The following NRXN1 variants were observed in gnomAD, a reference collection of about 807,000 sequenced individuals.
NRXN1 encodes neurexin-1.
Under a neutral mutation model 150.9 loss-of-function variants are expected in NRXN1, and 39 were observed. The observed-to-expected ratio is 0.26, with a 90% CI of 0.20 to 0.34. NRXN1 has a LOEUF of 0.34. Among genes scored for constraint, NRXN1 ranks in the 10% least tolerant of loss-of-function variants. The pLI, the probability that NRXN1 is intolerant of heterozygous loss-of-function variation, is 1.00. For synonymous variants in NRXN1, 924 were observed against 757.0 expected, an observed-to-expected ratio of 1.22 and a Z score of -3.62; for missense variants, 1,815 against 1,949.9, an observed-to-expected ratio of 0.93 and a Z score of 1.30.
At chr2:50,926,061 C>T (rs1686827283) in intron 2 of NRXN1, 106 bp from the exon 3 acceptor site, 1 of 844,374 alleles carries the variant, frequency 1.2e-6, no homozygotes, top group Non-Finnish European at 2.0e-6. Context: ...GCACCAAACA[C>T]ATCATGCAAG....
intron 18 of NRXN1, among the ~76,000 whole-genome samples, chr2:50,217,392 G>A (rs1180379093): frequency 6.6e-6 from 1 of 151,876 alleles, no homozygotes; most frequent in Non-Finnish European, 1.5e-5. Flanking sequence ...TGTTATTGCT[G>A]TATCTGTGCC....
chr2:50,075,072 T>A (rs1025165009), intron 19 of NRXN1, among the ~76,000 whole-genome samples: 18 of 152,168 alleles, frequency 1.2e-4, no homozygotes, highest in African/African-American at 4.3e-4. Context: ...GTCAGGAAAA[T>A]GTATATCAGG....
At chr2:50,549,887 T>C (rs932278058) in intron 9 of NRXN1, among the ~76,000 whole-genome samples, 3 of 152,160 alleles carry the variant, frequency 2.0e-5, no homozygotes, top group African/African-American at 7.2e-5. Flanking sequence ...ATGTGTGGCA[T>C]GTATGTACAT....
At chr2:50,276,582 A>G (rs1474201252) in intron 17 of NRXN1, among the ~76,000 whole-genome samples, 2 of 152,230 alleles carry the variant, frequency 1.3e-5, no homozygotes, top group South Asian at 2.1e-4. Flanking sequence ...ATCCTTCTCC[A>G]TTAGAGACCT....
At chr2:50,007,034 G>T (rs1190796390) in intron 21 of NRXN1, among the ~76,000 whole-genome samples, 1 of 152,092 alleles carries the variant, frequency 6.6e-6, no homozygotes, top group African/African-American at 2.4e-5. Flanking sequence ...CCTTACAAGT[G>T]TAAGTTTCTG....
At chr2:50,643,529 C>T (rs541602648) in intron 5 of NRXN1, among the ~76,000 whole-genome samples, 2 of 151,942 alleles carry the variant, frequency 1.3e-5, no homozygotes, top group African/African-American at 4.8e-5. Flanking sequence ...CTTTTTCTCT[C>T]TTTTCTTCAA....
intron 5 of NRXN1, among the ~76,000 whole-genome samples, chr2:50,672,153 T>A (rs896368871): frequency 6.6e-6 from 1 of 151,932 alleles, no homozygotes; most frequent in Non-Finnish European, 1.5e-5. Flanking sequence ...CTGTTGACTA[T>A]TTACAGCATT....
intron 17 of NRXN1, among the ~76,000 whole-genome samples, chr2:50,384,914 T>C (rs1330894285): frequency 6.6e-6 from 1 of 152,166 alleles, no homozygotes. Context: ...TACATTGCTG[T>C]CCCTTAATCT....
At chr2:51,007,049 T>C (rs79206228) in intron 2 of NRXN1, among the ~76,000 whole-genome samples, 2,762 of 152,050 alleles carry the variant, frequency 0.018, 88 homozygotes, top group African/African-American at 0.064. Context: ...GCTCAATGAC[T>C]TTACGTATTA....
At chr2:50,955,408 A>G (rs1423238731) in intron 2 of NRXN1, among the ~76,000 whole-genome samples, 5 of 152,242 alleles carry the variant, frequency 3.3e-5, no homozygotes, top group Admixed American at 2.6e-4. Context: ...ATTTAATGCA[A>G]TGATCCATTT....
intron 5 of NRXN1, among the ~76,000 whole-genome samples, chr2:50,695,182 G>A (rs919228150): frequency 1.3e-4 from 19 of 150,488 alleles, no homozygotes; most frequent in Admixed American, 6.6e-5. Context: ...TTCAACCTGG[G>A]TAAGGGGGTG....
At chr2:50,757,123 AC>A (rs1167610635) in intron 5 of NRXN1, among the ~76,000 whole-genome samples, 2 of 151,912 alleles carry the variant, frequency 1.3e-5, no homozygotes, top group Non-Finnish European at 2.9e-5. Flanking sequence ...GTATGTGGAG[AC>A]AAATAGTGCC....
intron 5 of NRXN1, among the ~76,000 whole-genome samples, chr2:50,800,061 CA>C (rs1244532866): frequency 6.6e-6 from 1 of 152,088 alleles, no homozygotes; most frequent in East Asian, 1.9e-4. Context: ...TGTAGTTATG[CA>C]AAAAGCCAAA....
chr2:50,354,156 C>T (rs189978358), intron 17 of NRXN1, among the ~76,000 whole-genome samples: 3 of 152,224 alleles, frequency 2.0e-5, no homozygotes, highest in Non-Finnish European at 2.9e-5. Context: ...TTCTTTAAAG[C>T]ATTCTTTAAA....
intron 17 of NRXN1, among the ~76,000 whole-genome samples, chr2:50,268,208 A>T (rs1338409313): frequency 6.6e-6 from 1 of 152,126 alleles, no homozygotes; most frequent in Non-Finnish European, 1.5e-5. Context: ...AATAAAAATA[A>T]AATAAAATTC....
At chr2:50,016,882 C>A (rs915868900) in intron 21 of NRXN1, among the ~76,000 whole-genome samples, 2 of 152,122 alleles carry the variant, frequency 1.3e-5, no homozygotes, top group Admixed American at 6.5e-5. Context: ...AAGTGAGAAG[C>A]CTGGCACTTC....
At chr2:50,162,071 T>C (rs1257445608) in intron 18 of NRXN1, among the ~76,000 whole-genome samples, 4 of 152,174 alleles carry the variant, frequency 2.6e-5, no homozygotes, top group Non-Finnish European at 5.9e-5. Flanking sequence ...TTAGCCTGTG[T>C]TAAAGAGATC....
At chr2:50,957,694 T>G (rs1007972723) in intron 2 of NRXN1, among the ~76,000 whole-genome samples, 1 of 152,208 alleles carries the variant, frequency 6.6e-6, no homozygotes, top group African/African-American at 2.4e-5. Flanking sequence ...TTATTCCTTC[T>G]TTAATCCAGA....
chr2:50,785,440 G>C (rs1559258873), intron 5 of NRXN1, among the ~76,000 whole-genome samples: 1 of 151,832 alleles, frequency 6.6e-6, no homozygotes, highest in Non-Finnish European at 1.5e-5. Flanking sequence ...AGTAGAGACG[G>C]GGTTTCACCC....
Sources: allele counts gnomAD v4.1 joint callset (sites outside exome capture counted in the v4.1 genomes callset), GRCh38; gene constraint gnomAD v4.1.1; transcripts MANE v1.5; gene names NCBI Gene and HGNC (gene_info 2026-07-23, HGNC 2026-07-21).